Variants in ITFG1 observed in about 807,000 individuals in gnomAD.
The protein encoded by ITFG1 is T-cell immunomodulatory protein.
A neutral mutation model predicts 81.8 loss-of-function variants in ITFG1; 34 were observed. The observed-to-expected ratio is 0.42, with a 90% CI of 0.32 to 0.55. The LOEUF is 0.55. Ranked by LOEUF, ITFG1 falls within the 20% of genes least tolerant of loss-of-function variation. The pLI is 0.17. For synonymous variants in ITFG1, 285 were observed against 270.6 expected (o/e 1.05, Z -0.52); for missense variants, 672 against 755.4 (o/e 0.89, Z 1.29).
At chr16:47,379,421 C>CAGAATG (rs1968367148) in intron 6 of ITFG1, among the ~76,000 whole-genome samples, 1 of 152,132 alleles carries the variant, frequency 6.6e-6, no homozygotes, top group African/African-American at 2.4e-5. Flanking sequence ...GGCACGGTGG[C>CAGAATG]TCACACCAGT....
At chr16:47,344,250 TG>T (rs1180181146) in intron 8 of ITFG1, among the ~76,000 whole-genome samples, 1 of 152,204 alleles carries the variant, frequency 6.6e-6, no homozygotes, top group Non-Finnish European at 1.5e-5. Context: ...CATTTAAAAA[TG>T]GTTAAAATGG....
intron 6 of ITFG1, among the ~76,000 whole-genome samples, chr16:47,423,507 G>A (rs1968979055): frequency 6.6e-6 from 1 of 152,106 alleles, no homozygotes; most frequent in South Asian, 2.1e-4. Context: ...CCCGTTAATT[G>A]ATGCAGTTTC....
At chr16:47,207,851 A>G (rs896067987) in intron 14 of ITFG1, among the ~76,000 whole-genome samples, 2 of 151,806 alleles carry the variant, frequency 1.3e-5, no homozygotes, top group African/African-American at 4.8e-5. Flanking sequence ...TTGTTCAACA[A>G]TATATACTTA....
chr16:47,171,912 C>G (rs188632485), intron 14 of ITFG1, among the ~76,000 whole-genome samples: 7 of 152,192 alleles, frequency 4.6e-5, no homozygotes, highest in South Asian at 4.1e-4. Flanking sequence ...TTTATTTGCA[C>G]AGAATTTGGT....
At chr16:47,400,488 AC>A (rs1036570905) in intron 6 of ITFG1, among the ~76,000 whole-genome samples, 2 of 151,146 alleles carry the variant, frequency 1.3e-5, no homozygotes, top group Admixed American at 6.6e-5. Context: ...ACACACACAC[AC>A]CACTAGACAC....
chr16:47,452,740 T>C lies in ITFG1; in HGVS notation c.478A>G (p.Ile160Val). The part of the protein sequence containing the change: ...LNRTFQDEPL[I>V]MDFNGDLIPD... ...AAGCAAGCCCATACTTACTCCATAA[T>C]TAGTGGCTCATCTTGAAAAGTCCTA... The change falls in exon 4 of 18, where the codon ATT becomes GTT. Residue 160 changes from isoleucine (I) to valine (V), a missense_variant. Ile to Val is a conservative substitution (Grantham distance 29). Coordinates refer to ENST00000320640, the MANE Select transcript of ITFG1 (RefSeq NM_030790.5). 3.1e-6 allele frequency: 5 copies of C among 1,587,360 alleles called. No individual in the cohort carries two copies. The highest frequency in any genetic ancestry group is 4.3e-6 in the Non-Finnish European group (5 of 1,162,742).
chr16:47,278,067 C>G (rs1330720136), intron 10 of ITFG1, among the ~76,000 whole-genome samples: 1 of 152,068 alleles, frequency 6.6e-6, no homozygotes, highest in Non-Finnish European at 1.5e-5. Context: ...ACCTGTGTTC[C>G]CTCATACTCC....
At chr16:47,168,236 G>A (rs865954424) in intron 14 of ITFG1, among the ~76,000 whole-genome samples, 15 of 152,120 alleles carry the variant, frequency 9.9e-5, no homozygotes, top group African/African-American at 3.6e-4. Flanking sequence ...TTGGAGAAAT[G>A]TCTAGTCCTT....
intron 14 of ITFG1, among the ~76,000 whole-genome samples, chr16:47,207,207 C>T (rs866654099): frequency 2.6e-5 from 4 of 152,116 alleles, no homozygotes; most frequent in African/African-American, 7.2e-5. Flanking sequence ...CTCAGCCTCC[C>T]GAGTAGCTGG....
At chr16:47,332,123 T>C (rs1967644581) in intron 8 of ITFG1, among the ~76,000 whole-genome samples, 1 of 152,028 alleles carries the variant, frequency 6.6e-6, no homozygotes, top group African/African-American at 2.4e-5. Flanking sequence ...GTGAACTTTT[T>C]GCCAGAAGGG....
chr16:47,415,277 T>C (rs1336554172), intron 6 of ITFG1, among the ~76,000 whole-genome samples: 3 of 152,206 alleles, frequency 2.0e-5, no homozygotes, highest in African/African-American at 7.2e-5. Flanking sequence ...AATAAAGGAA[T>C]ATAACAGAGT....
chr16:47,371,805 A>T (rs2151589306), intron 7 of ITFG1, among the ~76,000 whole-genome samples: 1 of 152,310 alleles, frequency 6.6e-6, no homozygotes, highest in Admixed American at 6.5e-5. Flanking sequence ...TCGACAATGA[A>T]CAAGACAGTT....
intron 5 of ITFG1, among the ~76,000 whole-genome samples, chr16:47,430,800 T>A (rs1969085939): frequency 6.6e-6 from 1 of 152,204 alleles, no homozygotes; most frequent in Admixed American, 6.5e-5. Context: ...TACCATATGA[T>A]CCTGCATTTC....
At chr16:47,354,663 A>G (rs1234002708) in intron 8 of ITFG1, among the ~76,000 whole-genome samples, 2 of 152,128 alleles carry the variant, frequency 1.3e-5, no homozygotes, top group Admixed American at 1.3e-4. Flanking sequence ...TGACAGTGTT[A>G]ATATAAGAAT....
intron 10 of ITFG1, among the ~76,000 whole-genome samples, chr16:47,266,958 C>A (rs1966283171): frequency 1.3e-5 from 2 of 152,184 alleles, no homozygotes; most frequent in South Asian, 4.2e-4. Context: ...ACATATATTC[C>A]ACTTATATGG....
chr16:47,366,397 T>C (rs751520959), intron 7 of ITFG1, among the ~76,000 whole-genome samples: 3 of 152,076 alleles, frequency 2.0e-5, no homozygotes, highest in Non-Finnish European at 4.4e-5. Flanking sequence ...ATCCATCAAC[T>C]CAAGTTTACA....
chr16:47,179,228 T>C (rs1326317823), intron 14 of ITFG1, among the ~76,000 whole-genome samples: 1 of 152,204 alleles, frequency 6.6e-6, no homozygotes, highest in African/African-American at 2.4e-5. Flanking sequence ...CATTACTGGG[T>C]ATATACCCAA....
At chr16:47,346,323 C>G (rs1224446580) in intron 8 of ITFG1, among the ~76,000 whole-genome samples, 1 of 152,178 alleles carries the variant, frequency 6.6e-6, no homozygotes, top group Admixed American at 6.5e-5. Context: ...AAACAACATG[C>G]TCCTGAAGAA....
chr16:47,378,484 G>GTTC (rs1352956256), intron 6 of ITFG1, among the ~76,000 whole-genome samples: 1 of 152,108 alleles, frequency 6.6e-6, no homozygotes, highest in Non-Finnish European at 1.5e-5. Context: ...TTCCACTGGT[G>GTTC]TTCTATTAGT....
Sources: allele counts gnomAD v4.1 joint callset (sites outside exome capture counted in the v4.1 genomes callset), GRCh38; gene constraint gnomAD v4.1.1; transcripts MANE v1.5; gene names NCBI Gene and HGNC (gene_info 2026-07-23, HGNC 2026-07-21).